PXK: variants seen among roughly 807,000 people sequenced by gnomAD.
The protein encoded by PXK is PX domain-containing protein kinase-like protein.
In PXK, 35 loss-of-function variants were observed where a neutral mutation model predicts 84.7. That is an observed-to-expected ratio of 0.41 (90% CI 0.32 to 0.55). PXK has a LOEUF of 0.55. PXK is among the 20% of genes least tolerant of loss of function. The pLI is 0.21. For missense variants in PXK, 634 were observed against 699.7 expected, an observed-to-expected ratio of 0.91 and a Z score of 1.06; for synonymous variants, 253 against 260.8, an observed-to-expected ratio of 0.97 and a Z score of 0.29.
At chr3:58,403,166 G>A (rs989682777) in intron 12 of PXK, among the ~76,000 whole-genome samples, 5 of 151,816 alleles carry the variant, frequency 3.3e-5, no homozygotes, top group South Asian at 4.2e-4. Flanking sequence ...CACCACACCC[G>A]GCTAATTTTT....
intron 1 of PXK, among the ~76,000 whole-genome samples, chr3:58,345,041 T>C (rs1304178294): frequency 6.6e-6 from 1 of 152,216 alleles, no homozygotes; most frequent in African/African-American, 2.4e-5. Context: ...AAGAGTCTTC[T>C]GCGTGCCAGG....
intron 13 of PXK, among the ~76,000 whole-genome samples, chr3:58,408,199 C>G (rs933564167): frequency 6.6e-6 from 1 of 152,220 alleles, no homozygotes; most frequent in African/African-American, 2.4e-5. Context: ...GCATTTATTT[C>G]TGGGCTCTCT....
Position 58,423,493 on chromosome 3 carries a change from A to G in PXK, c.1529-1259A>G. Reference sequence around the variant, plus strand: ...AGGTTTGAGTAAAAGATGTAAAGAAAGGTAAGTGATTTTCTATTGTAAGAC... The same window carrying G: ...AGGTTTGAGTAAAAGATGTAAAGAAGGGTAAGTGATTTTCTATTGTAAGAC... On this transcript the variant is annotated intron_variant, in intron 17 of 17. Coordinates refer to ENST00000356151, the MANE Select transcript of PXK (RefSeq NM_017771.5). 1.3e-6 allele frequency: 2 copies of G among 1,534,484 alleles called. 1 individual carries two copies. The highest frequency in any genetic ancestry group is 2.4e-5 in the South Asian group (2 of 84,036).
chr3:58,392,825 C>T (rs890665197), intron 7 of PXK, among the ~76,000 whole-genome samples: 15 of 151,888 alleles, frequency 9.9e-5, no homozygotes, highest in Non-Finnish European at 2.1e-4. Flanking sequence ...CCACACCCAG[C>T]TAATTTTTGT....
At position 58,379,005 on chromosome 3, in the gene PXK, C is replaced by A. The variant is rs139211019; in HGVS notation, c.202-3509C>A. Among the ~76,000 whole-genome samples, 1 of 151,878 alleles carries A rather than the reference C, an allele frequency of 6.6e-6. No homozygotes were observed. Among genetic ancestry groups the A allele is most frequent in the African/African-American group, 2.4e-5 (1 of 41,324 alleles). ...TGGTGCAATCTTGGCTTACTGCAGC[C>A]TCCGCCTCCTGGGTTCAAGCAATTC... On this transcript the variant is annotated intron_variant, in intron 3 of 17. Transcript: ENST00000356151. This position sits in a 1 kb window ranked among gnomAD's most constrained non-coding sequence, Gnocchi z 5.1.
chr3:58,404,041 A>G (rs1004761850), intron 13 of PXK, 131 bp downstream of exon 13: 37 of 473,844 alleles, frequency 7.8e-5, no homozygotes, highest in Admixed American at 2.0e-4. Context: ...ATGTCCTACA[A>G]TTAGGGGCTA....
chr3:58,343,979 A>G (rs1415401326), intron 1 of PXK, among the ~76,000 whole-genome samples: 1 of 152,124 alleles, frequency 6.6e-6, no homozygotes. Context: ...ATTATTTCTT[A>G]CTACCTTGTT....
At chr3:58,406,492 G>T (rs905020334) in intron 13 of PXK, among the ~76,000 whole-genome samples, 5 of 148,046 alleles carry the variant, frequency 3.4e-5, no homozygotes, top group African/African-American at 1.3e-4. Context: ...GCCCAGGCTA[G>T]TCTTGAACTC....
At chr3:58,394,779 C>T (rs992806805) in intron 7 of PXK, among the ~76,000 whole-genome samples, 2 of 152,182 alleles carry the variant, frequency 1.3e-5, no homozygotes. Flanking sequence ...CTCCTGTTTT[C>T]CTTTGTTCCT....
At chr3:58,376,476 A>G (rs1432522049) in intron 3 of PXK, among the ~76,000 whole-genome samples, 1 of 152,100 alleles carries the variant, frequency 6.6e-6, no homozygotes, top group Admixed American at 6.6e-5. Context: ...CTTGTTATTC[A>G]TTTTGCTTAA....
intron 12 of PXK, among the ~76,000 whole-genome samples, chr3:58,402,477 T>C (rs1446586061): frequency 6.6e-6 from 1 of 151,322 alleles, no homozygotes; most frequent in East Asian, 1.9e-4. Flanking sequence ...TCACCCAGGC[T>C]GGAGTGCAGT....
At position 58,412,542 on chromosome 3, in the gene PXK, G is replaced by C. The variant is rs1311102196; in HGVS notation, c.1466-359G>C. Among the ~76,000 whole-genome samples the C allele has an allele frequency of 6.6e-6, 1 of 152,188 alleles. No homozygotes were observed. Among genetic ancestry groups the C allele is most frequent in the Non-Finnish European group, 1.5e-5 (1 of 68,034 alleles). On this transcript the variant is annotated intron_variant, in intron 16 of 17. Transcript: ENST00000356151. The surrounding 1 kb of genome is among the most constrained non-coding windows in gnomAD (Gnocchi z 6.2). ...GCTGCTCTGCACCTCTCTGTCTGCT[G>C]TACCACTTGTGGCTTCTGTCATTTG... is the stretch of plus-strand genomic sequence containing the variant.
At position 58,410,144 on chromosome 3, in the gene PXK, A is replaced by C; in HGVS notation, c.1450A>C (p.Asn484His). Residue 484 changes from asparagine (N) to histidine (H), a missense_variant, in exon 16 of 18, where the codon AAC becomes CAC. Around this residue, in one of 3 missense-constraint regions of PXK, gnomAD observed 273 missense variants for 283.6 expected, o/e 0.96. Coordinates refer to ENST00000356151, the MANE Select transcript of PXK (RefSeq NM_017771.5). Reference protein sequence around the residue: ...NSEEHSAKYSNSNNSAGSGAS... With the variant: ...NSEEHSAKYSHSNNSAGSGAS... ...TGAAGAGCATTCAGCGAAGTACAGC[A>C]ACTCCAATAATTCAGGTAACTGGTT... 2 of 1,592,798 alleles carry C rather than the reference A, an allele frequency of 1.3e-6. No individual in the cohort carries two copies. Among genetic ancestry groups the C allele is most frequent in the Non-Finnish European group, 1.7e-6 (2 of 1,160,372 alleles).
chr3:58,393,690 C>G (rs2098653871), intron 7 of PXK, among the ~76,000 whole-genome samples: 1 of 151,880 alleles, frequency 6.6e-6, no homozygotes, highest in Non-Finnish European at 1.5e-5. Flanking sequence ...AACATTATAC[C>G]CATACTTAAT....
chr3:58,360,119 G>A (rs1031217786), intron 1 of PXK, among the ~76,000 whole-genome samples: 2 of 152,032 alleles, frequency 1.3e-5, no homozygotes, highest in African/African-American at 4.8e-5. Context: ...GGATGACAGA[G>A]TAACACCTTA....
chr3:58,343,789 T>G (rs1162987215), intron 1 of PXK, among the ~76,000 whole-genome samples: 1 of 152,198 alleles, frequency 6.6e-6, no homozygotes, highest in Non-Finnish European at 1.5e-5. Context: ...AATAAGTGAA[T>G]TTGAGAATGA....
rs145829109 is a variant in PXK, at chr3:58,354,331, G to C, written c.103-11543G>C. On this transcript the variant is annotated intron_variant, in intron 1 of 17. Coordinates refer to ENST00000356151, the MANE Select transcript of PXK (RefSeq NM_017771.5). ...CAGACGAGCTGAGTCCTTAAGAGGA[G>C]GTGGGGAGATATGGGTGAGAGTAGA... Among the ~76,000 whole-genome samples, 6 of 152,222 alleles carry C rather than the reference G, an allele frequency of 3.9e-5. No individual in the cohort carries two copies. The East Asian group carries it at 1.2e-3, about 29-fold the overall frequency.
In PXK at chr3:58,421,637, G is replaced by C; in HGVS notation, c.1529-3115G>C. 1 of 988,210 alleles carries C rather than the reference G, an allele frequency of 1.0e-6. No individual in the cohort carries two copies. The highest frequency in any genetic ancestry group is 1.2e-6 in the Non-Finnish European group (1 of 830,260). The allele number at this position is 988,210 out of a possible 1,614,324, so 61.2% of individuals were successfully genotyped here. ...GACATCCTGTCCACAAGGCTGTCAA[G>C]GGGGTTTCTGGCCTGGCATTCCTCC... On this transcript the variant is annotated intron_variant, in intron 17 of 17. Transcript: ENST00000356151. This position sits in a 1 kb window ranked among gnomAD's most constrained non-coding sequence, Gnocchi z 5.5.
chr3:58,367,949 T>C (rs897542784), intron 2 of PXK, among the ~76,000 whole-genome samples: 5 of 152,224 alleles, frequency 3.3e-5, no homozygotes, highest in South Asian at 2.1e-4. Flanking sequence ...CCTCCCAAAG[T>C]GCTGGGATTG....
Sources: gnomAD v4.1 joint callset for allele counts (sites outside exome capture counted in the v4.1 genomes callset) on GRCh38, gnomAD v4.1.1 for gene constraint, gnomAD v4.1.1 regional missense constraint, Gnocchi (gnomAD v3.1) non-coding constraint, MANE v1.5 for transcripts, NCBI Gene and HGNC (gene_info 2026-07-23, HGNC 2026-07-21) for gene names.